GPATCH3: variants seen among roughly 807,000 people sequenced by gnomAD.
The protein encoded by GPATCH3 is G-patch domain containing 3, also known as G patch domain-containing protein 3.
Under a neutral mutation model 53.2 loss-of-function variants are expected in GPATCH3, and 45 were observed. The observed-to-expected ratio is 0.85, with a 90% CI of 0.67 to 1.08. GPATCH3 has a LOEUF of 1.08. Among genes scored for constraint, GPATCH3 ranks in the 50% least tolerant of loss-of-function variants. GPATCH3 has a pLI of 0.00. For missense variants in GPATCH3, 680 were observed against 687.2 expected (o/e 0.99, Z 0.12); for synonymous variants, 280 against 270.6 (o/e 1.03, Z -0.34).
chr1:26,891,052 C>T lies in GPATCH3; in HGVS notation c.1536G>A (p.Arg512=), dbSNP rs146703973. 5.9e-5 allele frequency: 96 copies of T among 1,614,122 alleles called. No individual in the cohort carries two copies. In the African/African-American group the frequency reaches 1.0e-3, roughly 17 times the overall value. Residue 512 remains arginine (R), a synonymous_variant, in exon 7 of 7, where the codon AGG becomes AGA. Transcript: ENST00000361720. Reference sequence around the variant, plus strand: ...GGCTGTCTGAAGCACAACTGGAACCCCTCACAAAGGCCATGTCTGTCCGAA... The same window carrying T: ...GGCTGTCTGAAGCACAACTGGAACCTCTCACAAAGGCCATGTCTGTCCGAA... ...MKFRTDMAFV[R]GSSCASDSPS... is the part of the protein sequence containing the mutation.
Position 26,900,400 on chromosome 1 carries a change from G to A in GPATCH3, c.43C>T (p.Leu15=). 1.2e-6 allele frequency: 2 copies of A among 1,612,772 alleles called. No individual in the cohort carries two copies. The highest frequency in any genetic ancestry group is 2.2e-5 in the East Asian group (1 of 44,848). ...ACGGAGGGGATACCGCTCACTACCA[G>A]GTAAACTGTCGCCTCCTCCTCCGCC... ...GEAEEEATVY[L]VVSGIPSVLR... is the part of the protein sequence containing the mutation. The change falls in exon 1 of 7, where the codon CTG becomes TTG. Residue 15 remains leucine, a synonymous_variant. Coordinates refer to ENST00000361720, the MANE Select transcript of GPATCH3 (RefSeq NM_022078.3).
chr1:26,892,361 G>A, intron 6 of GPATCH3, 50 bp downstream of exon 6: 1 of 1,588,808 alleles, frequency 6.3e-7, no homozygotes, highest in South Asian at 1.1e-5. Context: ...GGAAACCAGG[G>A]CATAGCTGAA....
Position 26,900,320 on chromosome 1 carries a change from G to C in GPATCH3, c.123C>G (p.Gly41=), listed in dbSNP as rs756555990. The change falls in exon 1 of 7, where the codon GGC becomes GGG. Residue 41 remains glycine, a synonymous_variant. Transcript: ENST00000361720. The part of the protein sequence containing the change: ...SYFSQFREER[G]GGFLCFHYRH... ...GGTAGTGGAAACAGAGGAAGCCACC[G>C]CCGCGCTCTTCTCGGAACTGGCTAA... 1 of 1,614,066 alleles carries C rather than the reference G, an allele frequency of 6.2e-7. No homozygotes were observed.
intron 2 of GPATCH3, among the ~76,000 whole-genome samples, chr1:26,895,701 G>A (rs968184450): frequency 2.0e-5 from 3 of 147,492 alleles, no homozygotes; most frequent in Non-Finnish European, 4.5e-5. Context: ...GCAGTGGTGC[G>A]ATCTCAGCTC....
chr1:26,900,241 G>T lies in GPATCH3; in HGVS notation c.202C>A (p.Pro68Thr), dbSNP rs745895489. ...PQAAPNSALI[P>T]TDPAAEGQLL... ...TGGCCCTCAGCGGCTGGGTCGGTAG[G>T]AATTAGGGCAGAGTTAGGAGCGGCC... The change falls in exon 1 of 7, where the codon CCT becomes ACT. Residue 68 changes from proline to threonine, a missense_variant. Transcript: ENST00000361720. 1.2e-6 allele frequency: 2 copies of T among 1,614,056 alleles called. No homozygotes were observed. The highest frequency in any genetic ancestry group is 1.7e-6 in the Non-Finnish European group (2 of 1,180,054).
At position 26,899,038 on chromosome 1, in the gene GPATCH3, T is replaced by C. The variant is rs1398316310; in HGVS notation, c.451+954A>G. On this transcript the variant is annotated intron_variant, in intron 1 of 6. Transcript: ENST00000361720. ...AAGCTGTGTCTTTGCAAACGCCATT[T>C]ACCCTGAAACCCAGAAACACCATTC... Among the ~76,000 whole-genome samples, 3 of 152,216 alleles carry C rather than the reference T, an allele frequency of 2.0e-5. No individual in the cohort carries two copies. The East Asian group carries it at 5.8e-4, about 29-fold the overall frequency.
chr1:26,898,671 CTTT>C (rs547852686), intron 1 of GPATCH3, among the ~76,000 whole-genome samples: 1 of 143,806 alleles, frequency 7.0e-6, no homozygotes. Context: ...TTTTTTTCTT[CTTT>C]TTTTTTTTTT....
chr1:26,898,481 C>A (rs1363496666), intron 1 of GPATCH3, among the ~76,000 whole-genome samples: 1 of 151,854 alleles, frequency 6.6e-6, no homozygotes, highest in Non-Finnish European at 1.5e-5. Flanking sequence ...CCATGCCTGG[C>A]TGATTTTTGT....
chr1:26,900,165 T>C lies in GPATCH3; in HGVS notation c.278A>G (p.Asp93Gly). ...GGTGCGGGTCTGGATTGGAGTAGAG[T>C]CTCGAGTGGAGAGAGGCCGGACATC... ...ATDVRPLSTR[D>G]STPIQTRTCC... The change falls in exon 1 of 7, where the codon GAC becomes GGC. Residue 93 changes from aspartate (D) to glycine (G), a missense_variant. Physicochemically the swap from Asp to Gly is moderately conservative, Grantham distance 94. Transcript: ENST00000361720. 1.2e-6 allele frequency: 2 copies of C among 1,612,332 alleles called. No individual in the cohort carries two copies. The highest frequency in any genetic ancestry group is 8.5e-7 in the Non-Finnish European group (1 of 1,179,556).
At chr1:26,892,935 G>GT in intron 4 of GPATCH3, 144 bp from the exon 5 acceptor site, 4 of 961,400 alleles carry the variant, frequency 4.2e-6, no homozygotes, top group Non-Finnish European at 6.3e-6. Flanking sequence ...CTCCCCAAAA[G>GT]TAGGAACCAT....
chr1:26,891,525 A>G (rs1249193032), intron 6 of GPATCH3, among the ~76,000 whole-genome samples: 2 of 151,448 alleles, frequency 1.3e-5, no homozygotes, highest in Middle Eastern at 3.2e-3. Context: ...TTTAAAAAAA[A>G]AAAAAAAGTC....
Position 26,895,677 on chromosome 1 carries a change from G to T in GPATCH3, c.877-1267C>A, listed in dbSNP as rs1021406567. Among the ~76,000 whole-genome samples the T allele has an allele frequency of 2.2e-4, 32 of 148,416 alleles. 2 individuals are homozygous for T. The highest frequency in any genetic ancestry group is 7.4e-5 in the Non-Finnish European group (5 of 67,288). On this transcript the variant is annotated intron_variant, in intron 2 of 6. Transcript: ENST00000361720. ...TTTTGAGACAGAGTCTCACTCTATC[G>T]CCCAGGCTGGAGTGCAGTGGTGCGA...
At chr1:26,896,395 A>T (rs1013768332) in intron 2 of GPATCH3, among the ~76,000 whole-genome samples, 1 of 151,258 alleles carries the variant, frequency 6.6e-6, no homozygotes, top group African/African-American at 2.4e-5. Flanking sequence ...AATAATTTTT[A>T]AAAAAGAAAA....
At position 26,897,293 on chromosome 1, in the gene GPATCH3, G is replaced by A; in HGVS notation, c.876+8C>T. 1 of 1,613,298 alleles carries A rather than the reference G, an allele frequency of 6.2e-7. No individual in the cohort carries two copies. Among genetic ancestry groups the A allele is most frequent in the African/African-American group, 1.3e-5 (1 of 75,020 alleles). ...GCCAGCAAGGACAGGGTAGCACACT[G>A]TACTCACCTCATCTGAGTGAGACTC... is the stretch of plus-strand genomic sequence containing the variant. On this transcript the variant is annotated splice_region_variant and intron_variant, in intron 2 of 6. Coordinates refer to ENST00000361720, the MANE Select transcript of GPATCH3 (RefSeq NM_022078.3).
At position 26,894,227 on chromosome 1, in the gene GPATCH3, C is replaced by G. The variant is rs2081941033; in HGVS notation, c.1051+9G>C. Reference sequence around the variant, plus strand: ...GTCACCCCTGCCTTTGCCTGGGTACCAGCATTACCTCCTTCTTCCTCCTGC... The same window carrying G: ...GTCACCCCTGCCTTTGCCTGGGTACGAGCATTACCTCCTTCTTCCTCCTGC... On this transcript the variant is annotated intron_variant, in intron 3 of 6. Coordinates refer to ENST00000361720, the MANE Select transcript of GPATCH3 (RefSeq NM_022078.3). 1.2e-6 allele frequency: 2 copies of G among 1,612,746 alleles called. No homozygotes were observed. Among genetic ancestry groups the G allele is most frequent in the South Asian group, 2.2e-5 (2 of 90,960 alleles).
At position 26,893,943 on chromosome 1, in the gene GPATCH3, A is replaced by C. The variant is rs2081939503; in HGVS notation, c.1051+293T>G. On this transcript the variant is annotated intron_variant, in intron 3 of 6. Coordinates refer to ENST00000361720, the MANE Select transcript of GPATCH3 (RefSeq NM_022078.3). The stretch of plus-strand genomic sequence containing the variant: ...GTGATCCTCCTGCCTCAGTCTCTTA[A>C]GTAGTTCGGACTACAGGCATGAGCC... Among the ~76,000 whole-genome samples the C allele has an allele frequency of 2.0e-5, 3 of 151,758 alleles. No individual in the cohort carries two copies. The South Asian group carries it at 6.2e-4, about 32-fold the overall frequency.
chr1:26,894,552 C>T (rs2081942734), intron 2 of GPATCH3, 142 bp from the exon 3 acceptor site: 2 of 781,652 alleles, frequency 2.6e-6, no homozygotes. Context: ...ATATTTGGCC[C>T]CTGACCAACA....
chr1:26,894,281 G>C lies in GPATCH3; in HGVS notation c.1006C>G (p.Leu336Val). Residue 336 changes from leucine (L) to valine (V), a missense_variant, in exon 3 of 7, where the codon CTG becomes GTG. By Grantham distance (32) the Leu-to-Val change is conservative. Coordinates refer to ENST00000361720, the MANE Select transcript of GPATCH3 (RefSeq NM_022078.3). ...AACTGGGCATCAGTATAAAACACCA[G>C]GCCAGAGCCACCCTTCTCCCACTTG... ...ELKWEKGGSGLVFYTDAQFWQ... is the reference protein window; with the variant it reads ...ELKWEKGGSGVVFYTDAQFWQ... 1 of 1,614,132 alleles carries C rather than the reference G, an allele frequency of 6.2e-7. No individual in the cohort carries two copies. Among genetic ancestry groups the C allele is most frequent in the Middle Eastern group, 1.6e-4 (1 of 6,062 alleles).
intron 4 of GPATCH3, 108 bp from the exon 5 acceptor site, chr1:26,892,899 C>G (rs981571041): frequency 7.5e-7 from 1 of 1,341,164 alleles, no homozygotes; most frequent in Non-Finnish European, 1.0e-6. Context: ...TAATAGTGTT[C>G]TGTATCTCTC....
Sources: allele counts gnomAD v4.1 joint callset (sites outside exome capture counted in the v4.1 genomes callset), GRCh38; gene constraint gnomAD v4.1.1; transcripts MANE v1.5; gene names NCBI Gene and HGNC (gene_info 2026-07-23, HGNC 2026-07-21).